RNF111: variants seen among roughly 807,000 people sequenced by gnomAD.
The protein encoded by RNF111 is ring finger protein 111.
In RNF111, 17 loss-of-function variants were observed where a neutral mutation model predicts 95.1. The observed-to-expected ratio is 0.18, with a 90% confidence interval of 0.12 to 0.27. The LOEUF (loss-of-function observed/expected upper bound fraction) is 0.27, where lower values mean the gene tolerates loss of function less well. RNF111 is among the 10% of genes least tolerant of loss of function. The pLI, the probability that RNF111 is intolerant of heterozygous loss-of-function variation, is 1.00. For missense variants in RNF111, 1,189 were observed against 1,210.4 expected (o/e 0.98, Z 0.26); for synonymous variants, 440 against 414.8 (o/e 1.06, Z -0.74).
intron 2 of RNF111, among the ~76,000 whole-genome samples, chr15:59,036,927 C>A (rs1392576719): frequency 1.3e-5 from 2 of 151,774 alleles, no homozygotes; most frequent in African/African-American, 4.8e-5. Flanking sequence ...CCTCCTTGGG[C>A]TCAGGTGATC....
At chr15:59,009,293 A>G (rs2039682494) in intron 1 of RNF111, among the ~76,000 whole-genome samples, 1 of 151,804 alleles carries the variant, frequency 6.6e-6, no homozygotes, top group Non-Finnish European at 1.5e-5. Context: ...CAGCTTTGGG[A>G]GGATTTATTT....
intron 1 of RNF111, among the ~76,000 whole-genome samples, chr15:59,003,390 C>T (rs1433696214): frequency 1.3e-5 from 2 of 151,864 alleles, no homozygotes; most frequent in Non-Finnish European, 2.9e-5. Flanking sequence ...CAGGTGTGAG[C>T]CGCCACACCC....
chr15:59,034,655 A>G (rs1172057634), intron 2 of RNF111, among the ~76,000 whole-genome samples: 1 of 152,218 alleles, frequency 6.6e-6, no homozygotes, highest in African/African-American at 2.4e-5. Context: ...GCTCTTTCAA[A>G]TAATTAACTT....
At chr15:59,068,333 A>G (rs1026797518) in intron 6 of RNF111, among the ~76,000 whole-genome samples, 7 of 152,368 alleles carry the variant, frequency 4.6e-5, no homozygotes, top group Admixed American at 2.6e-4. Context: ...AGAGGCTGGC[A>G]TGGTGGCTCA....
rs1013780409 is a variant in RNF111, at chr15:59,075,898, A to T, written c.1687-56A>T. ...ATATTAGGAATACTTTTATAATATA[A>T]CATGAAATATTTGACCAAACTTTAG... On this transcript the variant is annotated intron_variant, in intron 6 of 13. Transcript: ENST00000348370. The T allele has an allele frequency of 5.6e-5, 88 of 1,560,332 alleles. No individual in the cohort carries two copies. In the Admixed American group the frequency reaches 1.5e-3, roughly 27 times the overall value.
At chr15:59,030,091 A>T (rs1650305180) in intron 1 of RNF111, among the ~76,000 whole-genome samples, 1 of 152,180 alleles carries the variant, frequency 6.6e-6, no homozygotes, top group Admixed American at 6.5e-5. Flanking sequence ...ATGTTGAATG[A>T]TTTAGATAGA....
At chr15:59,070,801 T>C (rs2042889200) in intron 6 of RNF111, among the ~76,000 whole-genome samples, 1 of 152,150 alleles carries the variant, frequency 6.6e-6, no homozygotes, top group East Asian at 1.9e-4. Flanking sequence ...AAAAGAATGC[T>C]GTGGTTCCTC....
intron 11 of RNF111, among the ~76,000 whole-genome samples, chr15:59,090,553 G>A (rs1181791289): frequency 6.6e-6 from 1 of 152,070 alleles, no homozygotes; most frequent in African/African-American, 2.4e-5. Flanking sequence ...TTTTATGTCA[G>A]TTTGGAAGTT....
intron 6 of RNF111, among the ~76,000 whole-genome samples, chr15:59,075,228 G>A (rs543796622): frequency 3.9e-5 from 6 of 152,098 alleles, no homozygotes; most frequent in South Asian, 2.1e-4. Flanking sequence ...ACACAGTGTC[G>A]CCACAAACCT....
At chr15:59,030,580 A>G (rs138180133) in intron 1 of RNF111, among the ~76,000 whole-genome samples, 255 of 152,310 alleles carry the variant, frequency 1.7e-3, no homozygotes, top group African/African-American at 5.8e-3. Context: ...CTTATGCTCT[A>G]TATCTACTGT....
At chr15:59,074,736 C>A (rs2043095914) in intron 6 of RNF111, among the ~76,000 whole-genome samples, 3 of 152,170 alleles carry the variant, frequency 2.0e-5, no homozygotes, top group Non-Finnish European at 4.4e-5. Context: ...CTTTCAGTTT[C>A]TTTCAAGGAT....
At chr15:59,089,520 C>T (rs1408824037) in intron 10 of RNF111, 147 bp from the exon 11 acceptor site, 1 of 628,328 alleles carries the variant, frequency 1.6e-6, no homozygotes, top group Non-Finnish European at 2.8e-6. Context: ...TTACAGAATG[C>T]TTAGTTGGAG....
chr15:59,076,390 AG>A (rs1271891199), intron 7 of RNF111, among the ~76,000 whole-genome samples, 175 bp downstream of exon 7: 1 of 152,216 alleles, frequency 6.6e-6, no homozygotes, highest in Non-Finnish European at 1.5e-5. Context: ...ATTGAATGGA[AG>A]TTTTAAGGAA....
At chr15:59,025,821 T>TGCGGATTCAAGCGATTCTCCTGCCTC (rs2040576082) in intron 1 of RNF111, among the ~76,000 whole-genome samples, 2 of 151,956 alleles carry the variant, frequency 1.3e-5, no homozygotes, top group African/African-American at 4.8e-5. Flanking sequence ...ACCGCTGCCT[T>TGCGGATTCAAGCGATTCTCCTGCCTC]GCGGATTCAA....
At chr15:58,995,489 A>C in intron 1 of RNF111, among the ~76,000 whole-genome samples, 1 of 145,694 alleles carries the variant, frequency 6.9e-6, no homozygotes. Context: ...ACGGAGTCTC[A>C]CTCTTGTCTC....
At position 59,078,552 on chromosome 15, in the gene RNF111, TAAAAAAAAAAAAA is replaced by T. The variant is rs56959347; in HGVS notation, c.1948+2348_1948+2360del. 4.2e-5 allele frequency among the ~76,000 whole-genome samples: 4 copies of T among 94,472 alleles called. No individual in the cohort carries two copies. The South Asian group carries it at 1.4e-3, about 32-fold the overall frequency. 62.0% of individuals were successfully genotyped at this position (94,472 alleles called of 152,430 possible). ...GGACAACATAGTGAGAACCTGTCTC[TAAAAAAAAAAAAA>T]AAAAAAAAAAGACCAGGCACAGTGG... On this transcript the variant is annotated intron_variant, in intron 7 of 13. Transcript: ENST00000348370.
intron 1 of RNF111, among the ~76,000 whole-genome samples, chr15:59,005,828 T>C (rs553706467): frequency 6.6e-6 from 1 of 152,334 alleles, no homozygotes; most frequent in African/African-American, 2.4e-5. Context: ...CATATGCATA[T>C]GTTACTTTGT....
chr15:59,070,625 CAGA>C (rs576743366), intron 6 of RNF111, among the ~76,000 whole-genome samples: 167 of 152,294 alleles, frequency 1.1e-3, no homozygotes, highest in Non-Finnish European at 7.9e-4. Flanking sequence ...TACAGCTCAA[CAGA>C]AGGAGAACAG....
intron 1 of RNF111, among the ~76,000 whole-genome samples, chr15:59,019,048 C>G (rs543168536): frequency 6.6e-6 from 1 of 151,696 alleles, no homozygotes; most frequent in African/African-American, 2.4e-5. Context: ...CTCAGCCACC[C>G]GTGTAGGTGA....
Sources: gnomAD v4.1 joint callset for allele counts (sites outside exome capture counted in the v4.1 genomes callset) on GRCh38, gnomAD v4.1.1 for gene constraint, MANE v1.5 for transcripts, NCBI Gene and HGNC (gene_info 2026-07-23, HGNC 2026-07-21) for gene names.